Variants in MINDY3 observed in about 807,000 individuals in gnomAD.
MINDY3 encodes ubiquitin carboxyl-terminal hydrolase MINDY-3.
Under a neutral mutation model 69.2 loss-of-function variants are expected in MINDY3, and 38 were observed. The ratio of observed to expected loss-of-function variants is 0.55; its 90% CI spans 0.42 to 0.72. MINDY3 has a LOEUF of 0.72. MINDY3 is among the 30% of genes least tolerant of loss of function. The pLI is 0.00. For missense variants in MINDY3, 522 were observed against 519.0 expected (o/e 1.01, Z -0.06); for synonymous variants, 192 against 180.1 (o/e 1.07, Z -0.53).
intron 2 of MINDY3, 27 bp from the exon 3 acceptor site, chr10:15,843,299 T>G (rs375788992): frequency 1.7e-5 from 26 of 1,532,834 alleles, no homozygotes; most frequent in Middle Eastern, 1.7e-4. Flanking sequence ...CAATAATTAG[T>G]GAAATGCATT....
At chr10:15,852,006 G>A (rs534303254) in intron 1 of MINDY3, among the ~76,000 whole-genome samples, 64 of 152,074 alleles carry the variant, frequency 4.2e-4, no homozygotes, top group Admixed American at 3.5e-3. Context: ...TGCTCTTTCC[G>A]CTACTCTCCA....
intron 12 of MINDY3, among the ~76,000 whole-genome samples, chr10:15,787,405 G>GCTAT (rs1837056003): frequency 6.6e-6 from 1 of 152,206 alleles, no homozygotes; most frequent in African/African-American, 2.4e-5. Context: ...TATTTTCCTT[G>GCTAT]CTATCTCAAA....
At chr10:15,833,367 C>T (rs1832859256) in intron 8 of MINDY3, among the ~76,000 whole-genome samples, 1 of 152,038 alleles carries the variant, frequency 6.6e-6, no homozygotes, top group African/African-American at 2.4e-5. Flanking sequence ...AGTCATAAAT[C>T]CCAGTTTTAT....
Position 15,816,866 on chromosome 10 carries a change from C to A in MINDY3, c.851G>T (p.Ser284Ile), listed in dbSNP as rs766202097. 6.2e-7 allele frequency: 1 copy of A among 1,613,402 alleles called. No homozygotes were observed. The highest frequency in any genetic ancestry group is 8.5e-7 in the Non-Finnish European group (1 of 1,179,618). Residue 284 changes from serine to isoleucine, a missense_variant, in exon 10 of 15, where the codon AGT becomes ATT. Transcript: ENST00000277632. Reference protein sequence around the residue: ...SPKFPIWIVGSETHLTVFFAK... With the variant: ...SPKFPIWIVGIETHLTVFFAK... ...AAAAAATACGGTGAGGTGAGTCTCA[C>A]TGCCAACAATCCAAATAGGGAATTT...
chr10:15,805,074 G>A (rs1472083280), intron 10 of MINDY3, among the ~76,000 whole-genome samples: 2 of 152,158 alleles, frequency 1.3e-5, no homozygotes. Context: ...GTTTCCAACA[G>A]ATGTCATCTA....
At chr10:15,829,831 T>C (rs975001498) in intron 8 of MINDY3, among the ~76,000 whole-genome samples, 1 of 152,184 alleles carries the variant, frequency 6.6e-6, no homozygotes, top group African/African-American at 2.4e-5. Flanking sequence ...TATATGAATA[T>C]GTGTATTTTT....
At position 15,820,650 on chromosome 10, in the gene MINDY3, G is replaced by A. The variant is rs2131997902; in HGVS notation, c.801+1006C>T. On this transcript the variant is annotated intron_variant, in intron 9 of 14. Coordinates refer to ENST00000277632, the MANE Select transcript of MINDY3 (RefSeq NM_024948.4). ...ATATGATCACTACTAAAGGAGTAAGGGCAGGACAAATCCAATTTGATTATC... is the reference window on the plus strand; with the variant it reads ...ATATGATCACTACTAAAGGAGTAAGAGCAGGACAAATCCAATTTGATTATC... Among the ~76,000 whole-genome samples the A allele has an allele frequency of 2.6e-5, 4 of 152,282 alleles. No individual in the cohort carries two copies. In the East Asian group the frequency reaches 7.7e-4, roughly 29 times the overall value.
intron 8 of MINDY3, among the ~76,000 whole-genome samples, chr10:15,832,933 C>T (rs1209979589): frequency 1.3e-5 from 2 of 152,126 alleles, no homozygotes; most frequent in South Asian, 2.1e-4. Flanking sequence ...CCTGGAGCTT[C>T]GTGTCCTATG....
At chr10:15,793,010 A>C (rs1021123881) in intron 11 of MINDY3, among the ~76,000 whole-genome samples, 1 of 152,166 alleles carries the variant, frequency 6.6e-6, no homozygotes, top group African/African-American at 2.4e-5. Context: ...CCAACATCAC[A>C]CAGCTAGTGA....
At chr10:15,820,374 A>G (rs192298730) in intron 9 of MINDY3, among the ~76,000 whole-genome samples, 164 of 152,330 alleles carry the variant, frequency 1.1e-3, no homozygotes, top group Non-Finnish European at 1.9e-3. Context: ...AGGGATACAC[A>G]GGAAATATTT....
rs774985868 is a variant in MINDY3, at chr10:15,821,752, A to C, written c.731-26T>G. On this transcript the variant is annotated intron_variant, in intron 8 of 14. Transcript: ENST00000277632. ...CTGCAAAAAACAACAACAACAACAA[A>C]AAACGAAAACTTAGCATTGTAGTAG... 2.3e-5 allele frequency: 37 copies of C among 1,595,324 alleles called. No homozygotes were observed. The East Asian group carries it at 5.8e-4, about 25-fold the overall frequency.
chr10:15,811,594 C>G (rs923737067), intron 10 of MINDY3, among the ~76,000 whole-genome samples: 1 of 152,072 alleles, frequency 6.6e-6, no homozygotes, highest in Non-Finnish European at 1.5e-5. Context: ...ATTAACAATA[C>G]TTTTAAATCA....
intron 13 of MINDY3, among the ~76,000 whole-genome samples, chr10:15,783,801 C>T (rs1401807648): frequency 6.6e-6 from 1 of 152,084 alleles, no homozygotes; most frequent in Non-Finnish European, 1.5e-5. Flanking sequence ...CAATTAGTTA[C>T]ATAATTTGAC....
At chr10:15,846,093 G>C (rs995804373) in intron 2 of MINDY3, among the ~76,000 whole-genome samples, 6 of 152,048 alleles carry the variant, frequency 3.9e-5, no homozygotes, top group African/African-American at 1.4e-4. Flanking sequence ...AAAGTGCTGG[G>C]ATTACAGGCA....
At chr10:15,795,737 T>C (rs1295661315) in intron 11 of MINDY3, among the ~76,000 whole-genome samples, 2 of 152,086 alleles carry the variant, frequency 1.3e-5, no homozygotes, top group African/African-American at 2.4e-5. Flanking sequence ...AGGTCAATTA[T>C]ACAGAAATAT....
chr10:15,841,999 C>T (rs1833501565), intron 3 of MINDY3, among the ~76,000 whole-genome samples: 1 of 151,598 alleles, frequency 6.6e-6, no homozygotes, highest in African/African-American at 2.4e-5. Flanking sequence ...TCCCTCACAT[C>T]TGAATTAATC....
chr10:15,806,059 T>A (rs991050187), intron 10 of MINDY3, among the ~76,000 whole-genome samples: 6 of 152,146 alleles, frequency 3.9e-5, no homozygotes, highest in African/African-American at 1.4e-4. Context: ...ACCCACAGGA[T>A]GGGCTGTTCT....
At chr10:15,795,605 A>G (rs1285563631) in intron 11 of MINDY3, among the ~76,000 whole-genome samples, 1 of 152,090 alleles carries the variant, frequency 6.6e-6, no homozygotes, top group Non-Finnish European at 1.5e-5. Flanking sequence ...ACAATGACTC[A>G]GTAGACATTT....
chr10:15,840,055 T>A (rs1385330834), intron 4 of MINDY3, among the ~76,000 whole-genome samples: 5 of 151,710 alleles, frequency 3.3e-5, no homozygotes, highest in Admixed American at 6.6e-5. Context: ...GAAAATGTTA[T>A]ATAAAAAGAT....
Sources: allele counts gnomAD v4.1 joint callset (sites outside exome capture counted in the v4.1 genomes callset), GRCh38; gene constraint gnomAD v4.1.1; transcripts MANE v1.5; gene names NCBI Gene and HGNC (gene_info 2026-07-23, HGNC 2026-07-21).